The following TSPAN17 variants were observed in gnomAD, a reference collection of about 807,000 sequenced individuals.
TSPAN17 encodes tetraspanin 17.
In TSPAN17, 33 loss-of-function variants were observed where a neutral mutation model predicts 40.5. That is an observed-to-expected ratio of 0.81 (90% CI 0.62 to 1.09). The LOEUF is 1.09. Among genes scored for constraint, TSPAN17 ranks in the 50% least tolerant of loss-of-function variants. The pLI is 0.00. For missense variants in TSPAN17, 365 were observed against 416.8 expected, an observed-to-expected ratio of 0.88 and a Z score of 1.08; for synonymous variants, 166 against 169.4, an observed-to-expected ratio of 0.98 and a Z score of 0.15.
chr5:176,655,060 G>A (rs1240516019), intron 5 of TSPAN17, 40 bp downstream of exon 5: 1 of 1,569,980 alleles, frequency 6.4e-7, no homozygotes, highest in South Asian at 1.2e-5. Flanking sequence ...GGACTTTCCA[G>A]TGCACAGACT....
intron 1 of TSPAN17, among the ~76,000 whole-genome samples, chr5:176,648,935 G>A (rs2113459234): frequency 6.6e-6 from 1 of 152,348 alleles, no homozygotes; most frequent in Middle Eastern, 3.4e-3. Context: ...CAGAGCCAAG[G>A]TGACGGCTTA....
At position 176,656,070 on chromosome 5, in the gene TSPAN17, C is replaced by T. The variant is rs373036682; in HGVS notation, c.583-8C>T. ...CACCAAGTCACTAACTGGCCTGTCT[C>T]CCCTCAGGAGGATGTCCTCAACACC... On this transcript the variant is annotated splice_region_variant and splice_polypyrimidine_tract_variant and intron_variant, in intron 5 of 8. Coordinates refer to ENST00000508164, the MANE Select transcript of TSPAN17 (RefSeq NM_130465.5). 5.8e-5 allele frequency: 94 copies of T among 1,614,022 alleles called. No homozygotes were observed. Among genetic ancestry groups the T allele is most frequent in the Non-Finnish European group, 7.5e-5 (89 of 1,179,990 alleles).
rs377471135 is a variant in TSPAN17, at chr5:176,656,738, C to T, written c.669C>T (p.Cys223=). The change falls in exon 7 of 9, where the codon TGC becomes TGT. Residue 223 remains cysteine (C), a synonymous_variant. Transcript: ENST00000508164. ...AGGGCTTCATCCACACCAAAGGCTG[C>T]GTGGGCCAGTTTGAGAAGTGGCTGC... The part of the protein sequence containing the change: ...EQQGFIHTKG[C]VGQFEKWLQD... 2.8e-5 allele frequency: 46 copies of T among 1,614,192 alleles called. No homozygotes were observed. The African/African-American group carries it at 3.5e-4, about 12-fold the overall frequency.
chr5:176,648,248 C>A (rs1213485939), intron 1 of TSPAN17, among the ~76,000 whole-genome samples: 1 of 152,186 alleles, frequency 6.6e-6, no homozygotes, highest in East Asian at 1.9e-4. Flanking sequence ...GCTGACCTGC[C>A]AGGAGGGGCA....
Position 176,647,593 on chromosome 5 carries a change from G to T in TSPAN17, c.-23G>T. On this transcript the variant is annotated 5_prime_UTR_variant, in exon 1 of 9. Transcript: ENST00000508164. Reference sequence around the variant, plus strand: ...GGCCTGGCTCCCGGCTCCGGTTTCCGGGCCGGCGGGTGGCCGCTCACCATG... The same window carrying T: ...GGCCTGGCTCCCGGCTCCGGTTTCCTGGCCGGCGGGTGGCCGCTCACCATG... 2 of 1,548,108 alleles carry T rather than the reference G, an allele frequency of 1.3e-6. No individual in the cohort carries two copies. Among genetic ancestry groups the T allele is most frequent in the East Asian group, 2.5e-5 (1 of 40,396 alleles).
chr5:176,657,367 G>T, intron 8 of TSPAN17, 151 bp from the exon 9 acceptor site: 1 of 1,342,406 alleles, frequency 7.4e-7, no homozygotes, highest in Non-Finnish European at 1.0e-6. Flanking sequence ...TAGCTGTATG[G>T]GGCGCGTTGC....
intron 1 of TSPAN17, among the ~76,000 whole-genome samples, chr5:176,647,988 C>A (rs1760810001): frequency 6.6e-6 from 1 of 152,150 alleles, no homozygotes; most frequent in Non-Finnish European, 1.5e-5. Flanking sequence ...TCCTTGAAGA[C>A]CCCAGGGGCG....
At position 176,657,698 on chromosome 5, in the gene TSPAN17, G is replaced by T. The variant is rs1463120522; in HGVS notation, c.990G>T (p.Ter330TyrextTer50). The change falls in exon 9 of 9, where the codon TAG (stop) becomes TAT (tyrosine). Residue 330 changes from the stop codon to tyrosine, a stop_lost. Transcript: ENST00000508164. The part of the protein sequence containing the change: ...LYPEPTFKNW[*>Y] ...CTGAGCCAACCTTTAAAAATTGGTA[G>T]ATTTCACATAAAAGTCCAGATCCAC... The T allele has an allele frequency of 6.4e-7, 1 of 1,557,816 alleles. No individual in the cohort carries two copies. The highest frequency in any genetic ancestry group is 2.1e-5 in the Admixed American group (1 of 47,446).
chr5:176,648,107 A>C (rs1425612129), intron 1 of TSPAN17, among the ~76,000 whole-genome samples: 1 of 152,104 alleles, frequency 6.6e-6, no homozygotes, highest in African/African-American at 2.4e-5. Flanking sequence ...TTCTGGCGTG[A>C]AGGGAGCCGC....
intron 5 of TSPAN17, among the ~76,000 whole-genome samples, chr5:176,655,628 G>A (rs924101199): frequency 1.3e-5 from 2 of 151,776 alleles, no homozygotes; most frequent in Admixed American, 6.6e-5. Flanking sequence ...GCATTCCAGC[G>A]TCTGGGAAAG....
At chr5:176,655,394 G>A (rs1761114464) in intron 5 of TSPAN17, among the ~76,000 whole-genome samples, 1 of 152,174 alleles carries the variant, frequency 6.6e-6, no homozygotes, top group African/African-American at 2.4e-5. Context: ...GGTTGCCTGG[G>A]TCATTGCCAG....
chr5:176,648,219 C>T (rs1247940250), intron 1 of TSPAN17, among the ~76,000 whole-genome samples: 1 of 152,198 alleles, frequency 6.6e-6, no homozygotes, highest in Non-Finnish European at 1.5e-5. Context: ...CTCTGCCCAC[C>T]CCAGTCCCGC....
intron 5 of TSPAN17, 71 bp from the exon 6 acceptor site, chr5:176,656,007 C>T (rs547219871): frequency 2.7e-6 from 4 of 1,456,832 alleles, no homozygotes; most frequent in African/African-American, 2.8e-5. Flanking sequence ...AAAGCCACCG[C>T]ACTGCCCAGG....
chr5:176,650,725 G>A lies in TSPAN17; in HGVS notation c.88-891G>A, dbSNP rs1324820308. ...CCTTGGCCGTGGCTATGTGCTGAGG[G>A]GAAGGAGCCTGCAGATAAAGCAGGT... On this transcript the variant is annotated intron_variant, in intron 1 of 8. Coordinates refer to ENST00000508164, the MANE Select transcript of TSPAN17 (RefSeq NM_130465.5). This position sits in a 1 kb window ranked among gnomAD's most constrained non-coding sequence, Gnocchi z 4.0. Among the ~76,000 whole-genome samples the A allele has an allele frequency of 6.6e-6, 1 of 152,238 alleles. No individual in the cohort carries two copies. The highest frequency in any genetic ancestry group is 1.5e-5 in the Non-Finnish European group (1 of 68,044).
intron 4 of TSPAN17, 73 bp downstream of exon 4, chr5:176,652,986 C>G (rs1195302936): frequency 3.3e-6 from 5 of 1,526,002 alleles, no homozygotes; most frequent in Non-Finnish European, 4.5e-6. Flanking sequence ...AGCAAGTTCC[C>G]TGTGATGGGA....
intron 1 of TSPAN17, among the ~76,000 whole-genome samples, chr5:176,649,986 G>A (rs535586459): frequency 9.9e-5 from 15 of 152,122 alleles, no homozygotes; most frequent in African/African-American, 3.1e-4. Flanking sequence ...CCATCTCGTC[G>A]CCCCGCTCGA....
Position 176,652,772 on chromosome 5 carries a change from C to T in TSPAN17, c.315C>T (p.Phe105=). 1 of 1,614,132 alleles carries T rather than the reference C, an allele frequency of 6.2e-7. No homozygotes were observed. Among genetic ancestry groups the T allele is most frequent in the Middle Eastern group, 1.7e-4 (1 of 6,060 alleles). ...CCGTGTTCCTCGGTCTCATCTTCTT[C>T]CTGGAGCTGGCAACAGGGATCCTGG... The part of the protein sequence containing the change: ...FFSVFLGLIF[F]LELATGILAF... Residue 105 remains phenylalanine, a synonymous_variant, in exon 4 of 9, where the codon TTC becomes TTT. Transcript: ENST00000508164.
At position 176,650,839 on chromosome 5, in the gene TSPAN17, G is replaced by T. The variant is rs1037811328; in HGVS notation, c.88-777G>T. Among the ~76,000 whole-genome samples the T allele has an allele frequency of 8.5e-5, 13 of 152,214 alleles. No individual in the cohort carries two copies. The highest frequency in any genetic ancestry group is 3.1e-4 in the African/African-American group (13 of 41,456). On this transcript the variant is annotated intron_variant, in intron 1 of 8. Coordinates refer to ENST00000508164, the MANE Select transcript of TSPAN17 (RefSeq NM_130465.5). The surrounding 1 kb of genome is among the most constrained non-coding windows in gnomAD (Gnocchi z 4.0). ...TCTGAGACTGCACGCCCAGGGACCT[G>T]CCCAGGGTCAGGTGTGAGAGTGACC...
intron 5 of TSPAN17, among the ~76,000 whole-genome samples, 163 bp from the exon 6 acceptor site, chr5:176,655,915 A>G (rs1461644186): frequency 6.6e-6 from 1 of 151,332 alleles, no homozygotes; most frequent in African/African-American, 2.4e-5. Flanking sequence ...AAAAAACAAA[A>G]GCACATGGGC....
Sources: gnomAD v4.1 joint callset for allele counts (sites outside exome capture counted in the v4.1 genomes callset) on GRCh38, gnomAD v4.1.1 for gene constraint, Gnocchi (gnomAD v3.1) non-coding constraint, MANE v1.5 for transcripts, NCBI Gene and HGNC (gene_info 2026-07-23, HGNC 2026-07-21) for gene names.